KCTD14: variants seen among roughly 807,000 people sequenced by gnomAD.
The protein encoded by KCTD14 is BTB/POZ domain-containing protein KCTD14.
A neutral mutation model predicts 5.9 loss-of-function variants in KCTD14; 7 were observed. That is an observed-to-expected ratio of 1.19 (90% confidence interval 0.68 to 2.23). The LOEUF (loss-of-function observed/expected upper bound fraction) is 2.23. Among genes scored for constraint, KCTD14 ranks in the 30% most tolerant of loss-of-function variants. KCTD14 has a pLI of 0.00. For synonymous variants in KCTD14, 140 were observed against 133.1 expected (o/e 1.05, Z -0.36); for missense variants, 342 against 332.2 (o/e 1.03, Z -0.23).
At chr11:78,021,863 C>T (rs1014289245) in intron 1 of KCTD14, among the ~76,000 whole-genome samples, 1 of 152,210 alleles carries the variant, frequency 6.6e-6, no homozygotes, top group African/African-American at 2.4e-5. Flanking sequence ...CTTCACCCCT[C>T]GCAATCAACT....
At chr11:78,025,110 G>GTA (rs1857420589), upstream of KCTD14, among the ~76,000 whole-genome samples, 7 of 70,066 alleles carry the variant, frequency 1.0e-4, no homozygotes, top group African/African-American at 1.4e-4. Flanking sequence ...GTGTGTGTGT[G>GTA]TGTGTGTGTA....
chr11:78,025,116 GTGTATATATATATATATATATATATATA>G (rs1291665989), upstream of KCTD14, among the ~76,000 whole-genome samples: 202 of 68,562 alleles, frequency 2.9e-3, 4 homozygotes, highest in African/African-American at 0.011. Flanking sequence ...GTGTGTGTGT[GTGTATATATATATATATATATATATATA>G]TATATATATA....
In KCTD14 at chr11:78,020,082, C is replaced by T. The variant is rs145626387; in HGVS notation, c.91-2812G>A. Among the ~76,000 whole-genome samples, 6 of 152,262 alleles carry T rather than the reference C, an allele frequency of 3.9e-5. No individual in the cohort carries two copies. The East Asian group carries it at 7.7e-4, about 20-fold the overall frequency. On this transcript the variant is annotated intron_variant, in intron 1 of 1. Coordinates refer to ENST00000353172, the MANE Select transcript of KCTD14 (RefSeq NM_023930.4). ...CTCACAGTGGAGACAGCGAAATAGA[C>T]GGCTTAAGCATGTAGGTGCTGAGAG...
At position 78,023,205 on chromosome 11, in the gene KCTD14, C is replaced by A. The variant is rs201802138; in HGVS notation, c.45G>T (p.Thr15=). The part of the protein sequence containing the change: ...CAVERPVGRM[T]SQTPLPQSPR... ...GGGACTGGGGCAGAGGGGTCTGGCTCGTCATCCTGCCCACTGGCCGCTCCA... is the reference window on the plus strand; with the variant it reads ...GGGACTGGGGCAGAGGGGTCTGGCTAGTCATCCTGCCCACTGGCCGCTCCA... Residue 15 remains threonine (T), a synonymous_variant, in exon 1 of 2, where the codon ACG becomes ACT. Coordinates refer to ENST00000353172, the MANE Select transcript of KCTD14 (RefSeq NM_023930.4). The A allele has an allele frequency of 1.8e-4, 282 of 1,607,276 alleles. 1 individual carries two copies. In the African/African-American group the frequency reaches 3.3e-3, roughly 19 times the overall value.
At chr11:78,041,265 C>G (rs1857986429) in intron 1 of KCTD14, among the ~76,000 whole-genome samples, 1 of 152,140 alleles carries the variant, frequency 6.6e-6, no homozygotes, top group African/African-American at 2.4e-5. Flanking sequence ...TGTGGGTGGG[C>G]TCAGGGCTGG....
At chr11:78,032,238 G>A (rs1393972963) in intron 2 of KCTD14, among the ~76,000 whole-genome samples, 1 of 152,230 alleles carries the variant, frequency 6.6e-6, no homozygotes, top group African/African-American at 2.4e-5. Context: ...TCTGGAGGGA[G>A]CAGGCAGCCA....
At chr11:78,024,495 A>C (rs1857400550), upstream of KCTD14, among the ~76,000 whole-genome samples, 2 of 150,574 alleles carry the variant, frequency 1.3e-5, no homozygotes, top group South Asian at 4.2e-4. Context: ...CAGTTAAAAA[A>C]TCTCCTTTTT....
At chr11:78,037,490 A>G (rs568281151) in intron 2 of KCTD14, among the ~76,000 whole-genome samples, 2 of 152,198 alleles carry the variant, frequency 1.3e-5, no homozygotes, top group East Asian at 3.9e-4. Flanking sequence ...TGGTGCCAAT[A>G]AAGAAGGGAC....
chr11:78,018,039 G>C (rs1232656252), intron 1 of KCTD14, among the ~76,000 whole-genome samples: 1 of 152,190 alleles, frequency 6.6e-6, no homozygotes, highest in Non-Finnish European at 1.5e-5. Context: ...GGAGGCTGCA[G>C]TGAGCCAAGA....
chr11:78,042,552 C>A (rs1322474769), intron 1 of KCTD14, among the ~76,000 whole-genome samples: 1 of 152,054 alleles, frequency 6.6e-6, no homozygotes, highest in East Asian at 1.9e-4. Context: ...AAATCCCTAA[C>A]CTATGCGCTT....
In KCTD14 at chr11:78,017,239, C is replaced by T. The variant is rs61742053; in HGVS notation, c.122G>A (p.Gly41Asp). 1,504 of 1,605,256 alleles carry T rather than the reference C, an allele frequency of 9.4e-4. 7 individuals carry two copies. In the African/African-American group the frequency reaches 0.017, roughly 18 times the overall value. The change falls in exon 2 of 2, where the codon GGT becomes GAT. Residue 41 changes from glycine (G) to aspartate (D), a missense_variant. Transcript: ENST00000353172. ...MSTVVELNVG[G>D]EFHTTTLGTL... is the part of the protein sequence containing the mutation. ...ACCCAGGGTGGTGGTGTGGAACTCA[C>T]CCCCGACGTTCAGCTCCACAACAGT...
upstream of KCTD14, among the ~76,000 whole-genome samples, chr11:78,026,598 A>G (rs1178870424): frequency 6.6e-6 from 1 of 151,974 alleles, no homozygotes; most frequent in Non-Finnish European, 1.5e-5. Flanking sequence ...GTGAGTCCCC[A>G]TGTCTACAAA....
intron 2 of KCTD14, among the ~76,000 whole-genome samples, chr11:78,037,647 C>A (rs889393340): frequency 2.0e-5 from 3 of 152,038 alleles, no homozygotes; most frequent in Non-Finnish European, 4.4e-5. Context: ...GGTGAAACCC[C>A]GTCTCTACTA....
At chr11:78,033,871 A>T (rs4432049) in intron 2 of KCTD14, among the ~76,000 whole-genome samples, 1 of 133,994 alleles carries the variant, frequency 7.5e-6, no homozygotes. Flanking sequence ...ATAACAAAGA[A>T]AATAATAGTG....
intron 2 of KCTD14, among the ~76,000 whole-genome samples, chr11:78,029,353 A>G (rs1857554942): frequency 6.6e-6 from 1 of 152,096 alleles, no homozygotes; most frequent in East Asian, 1.9e-4. Flanking sequence ...GTCTTATTTC[A>G]CCAAAGGAAG....
At chr11:78,036,101 T>C (rs567346257) in intron 2 of KCTD14, among the ~76,000 whole-genome samples, 18 of 152,086 alleles carry the variant, frequency 1.2e-4, no homozygotes, top group African/African-American at 3.6e-4. Context: ...GGAGGTTGCA[T>C]TGAGCAGAGA....
chr11:78,033,901 G>GTGTGTGTGTACATATATATA lies in KCTD14; in HGVS notation c.-1+4762_-1+4763insTATATATATGTACACACACA. Among the ~76,000 whole-genome samples, 264 of 115,564 alleles carry GTGTGTGTGTACATATATATA rather than the reference G, an allele frequency of 2.3e-3. 8 individuals are homozygous for GTGTGTGTGTACATATATATA. Among genetic ancestry groups the GTGTGTGTGTACATATATATA allele is most frequent in the Middle Eastern group, 4.3e-3 (1 of 232 alleles). The allele number at this position is 115,564 out of a possible 152,430, so 75.8% of individuals were successfully genotyped here. ...ATAGTGTGTGTGTATGTGTGTGTGT[G>GTGTGTGTGTACATATATATA]TATATATATATATACACACATTATA... On this transcript the variant is annotated intron_variant, in intron 2 of 2. Coordinates refer to the KCTD14 transcript ENST00000533144.
chr11:78,030,886 C>T (rs1028005659), intron 2 of KCTD14, among the ~76,000 whole-genome samples: 3 of 152,090 alleles, frequency 2.0e-5, no homozygotes, highest in Admixed American at 2.0e-4. Context: ...TGCCAACCCA[C>T]AAGGACCCTC....
upstream of KCTD14, among the ~76,000 whole-genome samples, chr11:78,027,809 A>G (rs1857507636): frequency 6.6e-6 from 1 of 152,174 alleles, no homozygotes; most frequent in Non-Finnish European, 1.5e-5. Context: ...TATCATGCCG[A>G]TGAAGCCTCC....
Sources: allele counts gnomAD v4.1 joint callset (sites outside exome capture counted in the v4.1 genomes callset), GRCh38; gene constraint gnomAD v4.1.1; transcripts MANE v1.5; gene names NCBI Gene and HGNC (gene_info 2026-07-23, HGNC 2026-07-21).